The following EFCAB13 variants were observed in gnomAD, a reference collection of about 807,000 sequenced individuals.
The protein encoded by EFCAB13 is EF-hand calcium-binding domain-containing protein 13.
A neutral mutation model predicts 110.2 loss-of-function variants in EFCAB13; 91 were observed. That is an observed-to-expected ratio of 0.83 (90% confidence interval 0.70 to 0.98). The LOEUF (loss-of-function observed/expected upper bound fraction) is 0.98, where lower values mean the gene tolerates loss of function less well. Among genes scored for constraint, EFCAB13 ranks in the 50% least tolerant of loss-of-function variants. The pLI is 0.00. For synonymous variants in EFCAB13, 323 were observed against 369.9 expected, an observed-to-expected ratio of 0.87 and a Z score of 1.45; for missense variants, 968 against 1,119.4, an observed-to-expected ratio of 0.86 and a Z score of 1.93.
At chr17:47,368,663 C>T (rs569927838) in intron 10 of EFCAB13, among the ~76,000 whole-genome samples, 1 of 152,232 alleles carries the variant, frequency 6.6e-6, no homozygotes, top group South Asian at 2.1e-4. Flanking sequence ...AAGAAGATTC[C>T]TTATGTGGAT....
intron 23 of EFCAB13, among the ~76,000 whole-genome samples, chr17:47,422,789 A>G (rs1451472321): frequency 2.0e-5 from 3 of 152,214 alleles, no homozygotes; most frequent in Non-Finnish European, 2.9e-5. Flanking sequence ...TGTAGTTTCA[A>G]TATGCTTTCA....
At chr17:47,397,060 G>C (rs540973849) in intron 17 of EFCAB13, among the ~76,000 whole-genome samples, 15 of 97,378 alleles carry the variant, frequency 1.5e-4, no homozygotes, top group East Asian at 6.9e-4. Flanking sequence ...CTCTCATGCC[G>C]AGCCGAAGCT....
chr17:47,420,442 T>C (rs1904618296), intron 23 of EFCAB13, among the ~76,000 whole-genome samples: 1 of 136,976 alleles, frequency 7.3e-6, no homozygotes, highest in Non-Finnish European at 1.6e-5. Flanking sequence ...TCTGCCTGGC[T>C]GCCCAGTCTG....
chr17:47,412,750 CT>C (rs758530266), intron 21 of EFCAB13, 22 bp from the exon 22 acceptor site: 1 of 1,600,760 alleles, frequency 6.2e-7, no homozygotes, highest in Non-Finnish European at 8.5e-7. Context: ...ACCATAATAG[CT>C]TGTGTACATT....
At position 47,379,241 on chromosome 17, in the gene EFCAB13, C is replaced by T. The variant is rs371862264; in HGVS notation, c.1570C>T (p.Pro524Ser). 103 of 1,612,466 alleles carry T rather than the reference C, an allele frequency of 6.4e-5. 1 individual carries two copies. In the South Asian group the frequency reaches 9.7e-4, roughly 15 times the overall value. ...VNALAKERSF[P>S]ECNALPGVIK... is the part of the protein sequence containing the mutation. ...TGCTCTCGCCAAGGAGCGAAGTTTT[C>T]CTGAATGCAATGGTAGGTAGGAAAT... The change falls in exon 14 of 25, where the codon CCT becomes TCT. Residue 524 changes from proline to serine, a missense_variant. Physicochemically the swap from Pro to Ser is moderately conservative, Grantham distance 74 (BLOSUM62 -1). Coordinates refer to ENST00000331493, the MANE Select transcript of EFCAB13 (RefSeq NM_152347.5).
At chr17:47,357,023 T>C (rs1049141467) in intron 9 of EFCAB13, among the ~76,000 whole-genome samples, 3 of 152,184 alleles carry the variant, frequency 2.0e-5, no homozygotes, top group African/African-American at 4.8e-5. Context: ...CCAGCAGCGA[T>C]AGGCCTCACC....
chr17:47,421,020 TG>T (rs564004497), intron 23 of EFCAB13, among the ~76,000 whole-genome samples: 1 of 142,258 alleles, frequency 7.0e-6, no homozygotes, highest in Non-Finnish European at 1.5e-5. Flanking sequence ...GGGAGGGAGG[TG>T]GGGGGGTCAG....
chr17:47,425,494 C>T (rs1904921501), intron 23 of EFCAB13, among the ~76,000 whole-genome samples: 1 of 152,162 alleles, frequency 6.6e-6, no homozygotes, highest in African/African-American at 2.4e-5. Context: ...TACCCAGAAC[C>T]CAGTAAGCTT....
chr17:47,423,694 G>T (rs1904810562), intron 23 of EFCAB13, among the ~76,000 whole-genome samples: 1 of 151,802 alleles, frequency 6.6e-6, no homozygotes, highest in Non-Finnish European at 1.5e-5. Flanking sequence ...TCACCCCGGC[G>T]GTTGGGGCGC....
chr17:47,338,113 T>G (rs1466088482), intron 5 of EFCAB13, among the ~76,000 whole-genome samples: 4 of 152,118 alleles, frequency 2.6e-5, no homozygotes, highest in Admixed American at 6.6e-5. Flanking sequence ...GTGGAAGTCA[T>G]GATTATATTA....
At chr17:47,420,961 A>G (rs1287358254) in intron 23 of EFCAB13, among the ~76,000 whole-genome samples, 55 of 136,938 alleles carry the variant, frequency 4.0e-4, no homozygotes, top group Non-Finnish European at 7.4e-4. Flanking sequence ...CCCTCTGCCC[A>G]GCCAGCCGCC....
At chr17:47,360,885 A>T (rs1221379321) in intron 9 of EFCAB13, among the ~76,000 whole-genome samples, 4 of 152,076 alleles carry the variant, frequency 2.6e-5, no homozygotes, top group East Asian at 1.9e-4. Context: ...TTTTTAAGGA[A>T]GTTTTTTTTG....
At chr17:47,377,353 G>A (rs1334674475) in intron 12 of EFCAB13, among the ~76,000 whole-genome samples, 1 of 152,048 alleles carries the variant, frequency 6.6e-6, no homozygotes, top group Non-Finnish European at 1.5e-5. Context: ...GTAGAGACAG[G>A]GTTTCACCAT....
intron 11 of EFCAB13, among the ~76,000 whole-genome samples, chr17:47,374,174 A>T (rs1418042988): frequency 6.6e-6 from 1 of 152,112 alleles, no homozygotes; most frequent in Non-Finnish European, 1.5e-5. Context: ...ATCTTTGTCA[A>T]TTGGGAAGGA....
At chr17:47,350,312 T>C (rs2065442355) in intron 9 of EFCAB13, among the ~76,000 whole-genome samples, 1 of 152,208 alleles carries the variant, frequency 6.6e-6, no homozygotes, top group African/African-American at 2.4e-5. Flanking sequence ...ATTCTATCTC[T>C]GATCTCTAGT....
intron 18 of EFCAB13, 102 bp downstream of exon 18, chr17:47,402,305 C>A: frequency 1.9e-6 from 2 of 1,061,774 alleles, no homozygotes; most frequent in Non-Finnish European, 2.8e-6. Flanking sequence ...TTCTGGTTAA[C>A]ATGTTGGCAT....
intron 20 of EFCAB13, 25 bp from the exon 21 acceptor site, chr17:47,409,622 G>A (rs548078490): frequency 1.9e-6 from 3 of 1,589,132 alleles, no homozygotes; most frequent in Non-Finnish European, 2.6e-6. Flanking sequence ...TCCTCATTGT[G>A]TAATGTCTCT....
intron 22 of EFCAB13, among the ~76,000 whole-genome samples, chr17:47,414,608 G>C (rs1567803535): frequency 6.6e-6 from 1 of 151,770 alleles, no homozygotes; most frequent in Admixed American, 6.6e-5. Flanking sequence ...ACCATAAAAG[G>C]GTTCCTAGTA....
chr17:47,398,961 T>C (rs1329965217), intron 17 of EFCAB13, among the ~76,000 whole-genome samples: 1 of 152,246 alleles, frequency 6.6e-6, no homozygotes, highest in Non-Finnish European at 1.5e-5. Context: ...TCTTGCTTTG[T>C]CACCCAGGCT....
Sources: allele counts gnomAD v4.1 joint callset (sites outside exome capture counted in the v4.1 genomes callset), GRCh38; gene constraint gnomAD v4.1.1; transcripts MANE v1.5; gene names NCBI Gene and HGNC (gene_info 2026-07-23, HGNC 2026-07-21).